The following TRHDE variants were observed in gnomAD, a reference collection of about 807,000 sequenced individuals.
TRHDE encodes thyrotropin releasing hormone degrading enzyme, also known as thyrotropin-releasing hormone-degrading ectoenzyme.
Under a neutral mutation model 125.7 loss-of-function variants are expected in TRHDE, and 72 were observed. The observed-to-expected ratio is 0.57, with a 90% CI of 0.47 to 0.70. The LOEUF (loss-of-function observed/expected upper bound fraction) is 0.70, where lower values mean the gene tolerates loss of function less well. Among genes scored for constraint, TRHDE ranks in the 30% least tolerant of loss-of-function variants. The pLI, the probability that TRHDE is intolerant of heterozygous loss-of-function variation, is 0.00. For missense variants in TRHDE, 1,110 were observed against 1,327.1 expected (o/e 0.84, Z 2.54); for synonymous variants, 509 against 509.1 (o/e 1.00, Z 0.00).
At chr12:72,287,641 G>A (rs1035801156) in intron 2 of TRHDE, among the ~76,000 whole-genome samples, 18 of 151,810 alleles carry the variant, frequency 1.2e-4, no homozygotes, top group Non-Finnish European at 2.5e-4. Context: ...TTTCATGTAA[G>A]TGATTTTCTA....
At chr12:72,634,371 T>C (rs903447736) in intron 15 of TRHDE, among the ~76,000 whole-genome samples, 3 of 151,610 alleles carry the variant, frequency 2.0e-5, no homozygotes, top group Non-Finnish European at 2.9e-5. Flanking sequence ...CCTATCCCCA[T>C]AGAGGTAAGG....
At chr12:72,436,107 A>G (rs944385251) in intron 3 of TRHDE, among the ~76,000 whole-genome samples, 2 of 152,080 alleles carry the variant, frequency 1.3e-5, no homozygotes, top group African/African-American at 4.8e-5. Flanking sequence ...TTATTTAAAG[A>G]GCATCTCTGT....
chr12:72,197,653 TTTC>T (rs1279582827), intron 2 of TRHDE, among the ~76,000 whole-genome samples: 1 of 152,090 alleles, frequency 6.6e-6, no homozygotes, highest in Non-Finnish European at 1.5e-5. Context: ...TGTTCCTCTC[TTTC>T]TTGTTTCTAC....
At chr12:72,242,143 G>T (rs1404288291) in intron 2 of TRHDE, among the ~76,000 whole-genome samples, 6 of 152,128 alleles carry the variant, frequency 3.9e-5, no homozygotes, top group African/African-American at 1.4e-4. Context: ...TTTTTAAAAA[G>T]ATAATGTTCA....
chr12:72,439,965 A>G (rs1413343504), intron 3 of TRHDE, among the ~76,000 whole-genome samples: 1 of 151,984 alleles, frequency 6.6e-6, no homozygotes, highest in Non-Finnish European at 1.5e-5. Flanking sequence ...GTTTTTATCA[A>G]GAAAGGATAT....
intron 1 of TRHDE, among the ~76,000 whole-genome samples, chr12:72,278,749 A>G (rs1264307568): frequency 1.3e-5 from 2 of 151,816 alleles, no homozygotes; most frequent in Non-Finnish European, 2.9e-5. Flanking sequence ...ATTTTGAGAA[A>G]TTTTCATTCA....
At chr12:72,548,363 T>A (rs1869521711) in intron 7 of TRHDE, among the ~76,000 whole-genome samples, 1 of 151,838 alleles carries the variant, frequency 6.6e-6, no homozygotes, top group South Asian at 2.1e-4. Context: ...CTTTTGGTAA[T>A]TCTTGCATTG....
intron 12 of TRHDE, among the ~76,000 whole-genome samples, chr12:72,597,425 T>G (rs1340088531): frequency 6.6e-6 from 1 of 151,858 alleles, no homozygotes; most frequent in African/African-American, 2.4e-5. Flanking sequence ...CCCAGCACTT[T>G]GGGAGGCTGA....
At chr12:72,296,235 A>G (rs751857556) in intron 2 of TRHDE, among the ~76,000 whole-genome samples, 5 of 152,270 alleles carry the variant, frequency 3.3e-5, no homozygotes, top group Non-Finnish European at 7.3e-5. Context: ...GGCTAGGTTA[A>G]TATGTGGAGC....
chr12:72,192,974 A>G (rs754544438), intron 2 of TRHDE, among the ~76,000 whole-genome samples: 1 of 152,078 alleles, frequency 6.6e-6, no homozygotes, highest in Non-Finnish European at 1.5e-5. Context: ...TCAAATAAGA[A>G]GCTGATAATT....
chr12:72,653,911 G>A (rs975743024), intron 17 of TRHDE, among the ~76,000 whole-genome samples: 2 of 152,110 alleles, frequency 1.3e-5, no homozygotes, highest in African/African-American at 4.8e-5. Context: ...TTATTTTTAA[G>A]CATACCTTCA....
chr12:72,273,141 G>T lies in TRHDE; in HGVS notation c.498G>T (p.Ser166=), dbSNP rs748437961. Residue 166 remains serine, a synonymous_variant, in exon 1 of 19, where the codon TCG becomes TCT. Transcript: ENST00000261180. The surrounding 1 kb of genome is among the most constrained non-coding windows in gnomAD (Gnocchi z 5.3). Reference sequence around the variant, plus strand: ...GGGTGGCCAGTCCGGGGACCACGTCGGCCCAGCCGCCGTCGGAGGAGGAGC... The same window carrying T: ...GGGTGGCCAGTCCGGGGACCACGTCTGCCCAGCCGCCGTCGGAGGAGGAGC... ...AGGVASPGTT[S]AQPPSEEERE... The T allele has an allele frequency of 4.5e-5, 70 of 1,562,572 alleles. No homozygotes were observed. The highest frequency in any genetic ancestry group is 5.5e-5 in the Non-Finnish European group (64 of 1,153,744).
intron 2 of TRHDE, among the ~76,000 whole-genome samples, chr12:72,148,534 G>A (rs898989887): frequency 2.0e-5 from 3 of 152,154 alleles, no homozygotes; most frequent in Admixed American, 1.3e-4. Context: ...ACTATAACAG[G>A]TGGAGCAATC....
chr12:72,410,469 A>G (rs1873448449), intron 3 of TRHDE, among the ~76,000 whole-genome samples: 1 of 152,136 alleles, frequency 6.6e-6, no homozygotes, highest in Non-Finnish European at 1.5e-5. Flanking sequence ...GGTCTTTCTC[A>G]TTTATGAACA....
chr12:72,235,453 A>G (rs1436630739), intron 2 of TRHDE, among the ~76,000 whole-genome samples: 1 of 152,222 alleles, frequency 6.6e-6, no homozygotes, highest in Non-Finnish European at 1.5e-5. Flanking sequence ...TTAGCCTTAC[A>G]GTCTGCACTC....
intron 2 of TRHDE, among the ~76,000 whole-genome samples, chr12:72,350,258 C>A (rs1870521958): frequency 6.6e-6 from 1 of 151,974 alleles, no homozygotes; most frequent in Admixed American, 6.6e-5. Context: ...ATTGGCACAA[C>A]CTTTCCTTCT....
chr12:72,276,112 C>T (rs531899001), intron 1 of TRHDE, among the ~76,000 whole-genome samples: 17 of 152,160 alleles, frequency 1.1e-4, no homozygotes, highest in Middle Eastern at 3.4e-3. Context: ...TTTTTTGTTA[C>T]TATAGCCACT....
At chr12:72,487,161 G>A in intron 5 of TRHDE, among the ~76,000 whole-genome samples, 1 of 151,828 alleles carries the variant, frequency 6.6e-6, no homozygotes, top group African/African-American at 2.4e-5. Context: ...ACACCATTAA[G>A]TAAAGAAATA....
At chr12:72,118,037 C>T (rs1163189791) in intron 2 of TRHDE, among the ~76,000 whole-genome samples, 1 of 151,540 alleles carries the variant, frequency 6.6e-6, no homozygotes, top group African/African-American at 2.4e-5. Flanking sequence ...TTGACTTTTT[C>T]CTTTCCAATT....
Sources: gnomAD v4.1 joint callset for allele counts (sites outside exome capture counted in the v4.1 genomes callset) on GRCh38, gnomAD v4.1.1 for gene constraint, Gnocchi (gnomAD v3.1) non-coding constraint, MANE v1.5 for transcripts, NCBI Gene and HGNC (gene_info 2026-07-23, HGNC 2026-07-21) for gene names.